Variants in NKAIN3 observed in about 807,000 individuals in gnomAD.
NKAIN3 encodes sodium/potassium-transporting ATPase subunit beta-1-interacting protein 3.
NKAIN3 carries 25 observed loss-of-function variants against 30.2 expected under a neutral mutation model. The observed-to-expected ratio is 0.83, with a 90% confidence interval of 0.60 to 1.16. The LOEUF is 1.16. Ranked by LOEUF, NKAIN3 falls within the 50% of genes most tolerant of loss-of-function variation. NKAIN3 has a pLI of 0.00. For synonymous variants in NKAIN3, 91 were observed against 89.6 expected, an observed-to-expected ratio of 1.02 and a Z score of -0.09; for missense variants, 225 against 254.1, an observed-to-expected ratio of 0.89 and a Z score of 0.78.
intron 1 of NKAIN3, among the ~76,000 whole-genome samples, chr8:62,413,843 C>T (rs1804343884): frequency 6.6e-6 from 1 of 152,046 alleles, no homozygotes; most frequent in African/African-American, 2.4e-5. Context: ...GTTATAACTT[C>T]TTATTCTAAT....
At chr8:62,744,739 G>A (rs1045684974) in intron 3 of NKAIN3, among the ~76,000 whole-genome samples, 1 of 152,132 alleles carries the variant, frequency 6.6e-6, no homozygotes, top group Non-Finnish European at 1.5e-5. Flanking sequence ...TTTGGTAGCT[G>A]AAGCAATTAT....
chr8:62,908,188 G>T (rs1187390613), intron 4 of NKAIN3, among the ~76,000 whole-genome samples: 3 of 152,158 alleles, frequency 2.0e-5, no homozygotes, highest in African/African-American at 7.2e-5. Context: ...CTTCCAAGGG[G>T]CCTGTAGCTC....
At chr8:62,747,174 G>T (rs1380967553) in intron 4 of NKAIN3, 45 bp downstream of exon 4, 27 of 1,338,800 alleles carry the variant, frequency 2.0e-5, no homozygotes, top group Non-Finnish European at 2.5e-5. Flanking sequence ...ACTCTTCTTT[G>T]CTGGCATTTT....
At chr8:62,479,267 C>A (rs1211604221) in intron 1 of NKAIN3, among the ~76,000 whole-genome samples, 5 of 152,036 alleles carry the variant, frequency 3.3e-5, no homozygotes, top group Non-Finnish European at 7.4e-5. Context: ...TATTAAGCAC[C>A]TCTTATATCC....
intron 1 of NKAIN3, among the ~76,000 whole-genome samples, chr8:62,550,499 C>T (rs1809168484): frequency 6.6e-6 from 1 of 152,178 alleles, no homozygotes; most frequent in Non-Finnish European, 1.5e-5. Context: ...CCTAGAAAAT[C>T]ACTGGCATTG....
At chr8:62,856,781 G>A in intron 4 of NKAIN3, 2 of 646,620 alleles carry the variant, frequency 3.1e-6, no homozygotes, top group Non-Finnish European at 5.7e-6. Flanking sequence ...ACTCCTGTAA[G>A]ATGTAAATAT....
intron 4 of NKAIN3, among the ~76,000 whole-genome samples, chr8:62,789,251 C>T (rs570186283): frequency 6.6e-6 from 1 of 152,170 alleles, no homozygotes; most frequent in South Asian, 2.1e-4. Context: ...TCCTTCACAT[C>T]CCTTGTAAGT....
chr8:62,387,880 C>G (rs1350386233), intron 1 of NKAIN3, among the ~76,000 whole-genome samples: 1 of 152,040 alleles, frequency 6.6e-6, no homozygotes, highest in Non-Finnish European at 1.5e-5. Context: ...AAAAGAAAAG[C>G]AAAAAACTCT....
chr8:62,356,312 C>T (rs1245621627), intron 1 of NKAIN3, among the ~76,000 whole-genome samples: 1 of 152,070 alleles, frequency 6.6e-6, no homozygotes, highest in African/African-American at 2.4e-5. Flanking sequence ...CATTTTTTCT[C>T]ATCAAAATAG....
Position 62,849,284 on chromosome 8 carries a change from C to G in NKAIN3, c.472-69169C>G, listed in dbSNP as rs1412490759. Among the ~76,000 whole-genome samples, 24 of 133,494 alleles carry G rather than the reference C, an allele frequency of 1.8e-4. No individual in the cohort carries two copies. The Admixed American group carries it at 2.0e-3, about 11-fold the overall frequency. 87.6% of individuals were successfully genotyped at this position (133,494 alleles called of 152,430 possible). ...TGCTAGAATTCAGATGTGAATTCAT[C>G]TGGTCCTGGGCTTTTTTTTTTTTTT... On this transcript the variant is annotated intron_variant, in intron 4 of 6. Coordinates refer to ENST00000623646, the MANE Select transcript of NKAIN3 (RefSeq NM_001304533.3).
At chr8:62,702,941 T>G (rs902038060) in intron 3 of NKAIN3, among the ~76,000 whole-genome samples, 1 of 152,142 alleles carries the variant, frequency 6.6e-6, no homozygotes, top group African/African-American at 2.4e-5. Context: ...ATAGAAGGAT[T>G]AAAAATAAAA....
intron 1 of NKAIN3, among the ~76,000 whole-genome samples, chr8:62,439,821 C>T (rs556638624): frequency 1.3e-5 from 2 of 152,244 alleles, no homozygotes; most frequent in South Asian, 4.1e-4. Flanking sequence ...TGTTTGCTTG[C>T]TGTTGGGTTC....
chr8:62,577,717 A>C, intron 1 of NKAIN3, among the ~76,000 whole-genome samples: 1 of 151,640 alleles, frequency 6.6e-6, no homozygotes, highest in Admixed American at 6.6e-5. Flanking sequence ...GGTTGAAAAC[A>C]CTGTGTTGCT....
Position 62,596,378 on chromosome 8 carries a change from C to T in NKAIN3, c.273+6584C>T, listed in dbSNP as rs374511120. On this transcript the variant is annotated intron_variant, in intron 3 of 6. Transcript: ENST00000623646. ...TCCACTGGGCAGTTCCTTTCTATTTCCCTTTCCTTTCCTTTCTGGTGACCC... is the reference window on the plus strand; with the variant it reads ...TCCACTGGGCAGTTCCTTTCTATTTTCCTTTCCTTTCCTTTCTGGTGACCC... Among the ~76,000 whole-genome samples, 60 of 152,092 alleles carry T rather than the reference C, an allele frequency of 3.9e-4. No individual in the cohort carries two copies. The East Asian group carries it at 9.8e-3, about 25-fold the overall frequency.
In NKAIN3 at chr8:62,966,451, T is replaced by C; in HGVS notation, c.*1044T>C. ...TTTTTTAACTGGCATAAAACTTACATATGGTAAAATGCACAAATATTAATG... is the reference window on the plus strand; with the variant it reads ...TTTTTTAACTGGCATAAAACTTACACATGGTAAAATGCACAAATATTAATG... On this transcript the variant is annotated 3_prime_UTR_variant, in exon 7 of 7. Coordinates refer to ENST00000623646, the MANE Select transcript of NKAIN3 (RefSeq NM_001304533.3). 1.1e-6 allele frequency: 1 copy of C among 892,088 alleles called. No homozygotes were observed. Among genetic ancestry groups the C allele is most frequent in the Non-Finnish European group, 1.3e-6 (1 of 744,832 alleles). The allele number at this position is 892,088 out of a possible 1,614,324, so 55.3% of individuals were successfully genotyped here.
rs550602601 is a variant in NKAIN3 at position 62,544,231 on chromosome 8, G to A, written c.55-35308G>A. Among the ~76,000 whole-genome samples the A allele has an allele frequency of 3.3e-5, 5 of 152,150 alleles. No homozygotes were observed. In the East Asian group the frequency reaches 9.7e-4, roughly 29 times the overall value. ...TTGCCCAGGCTGGTCTGAAACCCCT[G>A]GGCTCAAGCAATCCTCCTGCCTCAG... On this transcript the variant is annotated intron_variant, in intron 1 of 6. Transcript: ENST00000623646.
At chr8:62,955,752 T>A (rs1312135766) in intron 6 of NKAIN3, among the ~76,000 whole-genome samples, 1 of 152,150 alleles carries the variant, frequency 6.6e-6, no homozygotes, top group Non-Finnish European at 1.5e-5. Context: ...CCACTTATGT[T>A]CTCTAAAGTC....
intron 4 of NKAIN3, among the ~76,000 whole-genome samples, chr8:62,849,014 A>G (rs914789452): frequency 6.6e-6 from 1 of 152,142 alleles, no homozygotes; most frequent in Non-Finnish European, 1.5e-5. Context: ...GATGAAGCCA[A>G]CTTGATTGTG....
intron 1 of NKAIN3, among the ~76,000 whole-genome samples, chr8:62,507,848 A>G (rs1807692451): frequency 6.6e-6 from 1 of 152,242 alleles, no homozygotes; most frequent in Non-Finnish European, 1.5e-5. Context: ...GATGGCAGAA[A>G]GGACACGGAA....
Sources: allele counts gnomAD v4.1 joint callset (sites outside exome capture counted in the v4.1 genomes callset), GRCh38; gene constraint gnomAD v4.1.1; transcripts MANE v1.5; gene names NCBI Gene and HGNC (gene_info 2026-07-23, HGNC 2026-07-21).